The following TTLL13 variants were observed in gnomAD, a reference collection of about 807,000 sequenced individuals.
The protein encoded by TTLL13 is tubulin polyglutamylase TTLL13.
chr15:90,262,778 G>A, the TTLL13 span: 1 of 1,242,280 alleles, frequency 8.0e-7, no homozygotes, highest in African/African-American at 1.5e-5. Context: ...AAGAGAGAGA[G>A]GAGTTCCTAA....
chr15:90,263,274 C>A, the TTLL13 span: 2 of 832,760 alleles, frequency 2.4e-6, no homozygotes, highest in Non-Finnish European at 3.6e-6. Context: ...AAGCAGAGTG[C>A]GCTAGCTGGA....
chr15:90,264,812 C>T, the TTLL13 span: 1 of 1,536,132 alleles, frequency 6.5e-7, no homozygotes, highest in South Asian at 1.2e-5. Context: ...CTATTTTCTG[C>T]AACCGGAAAG....
chr15:90,256,593 C>CTTTCTTTCTT, the TTLL13 span, among the ~76,000 whole-genome samples: 112 of 39,054 alleles, frequency 2.9e-3, 3 homozygotes, highest in Admixed American at 4.8e-3. Context: ...TTCTTTCTTT[C>CTTTCTTTCTT]TTTCTTTCTT....
At chr15:90,254,492 A>T in the TTLL13 span, among the ~76,000 whole-genome samples, 35 of 73,430 alleles carry the variant, frequency 4.8e-4, no homozygotes, top group African/African-American at 1.9e-3. Context: ...GACTCCATCT[A>T]AAAAAAAAAA....
the TTLL13 span, among the ~76,000 whole-genome samples, chr15:90,260,787 G>A: frequency 6.7e-6 from 1 of 149,946 alleles, no homozygotes; most frequent in Non-Finnish European, 1.5e-5. Context: ...GGAGGCGGAG[G>A]TTGCAGTGAG....
chr15:90,260,104 G>A, the TTLL13 span, among the ~76,000 whole-genome samples: 2 of 152,172 alleles, frequency 1.3e-5, no homozygotes, highest in African/African-American at 4.8e-5. Context: ...TGTACCTGAG[G>A]GTCATGAAAT....
At chr15:90,253,348 T>C in the TTLL13 span, 9 of 1,613,090 alleles carry the variant, frequency 5.6e-6, no homozygotes, top group South Asian at 8.8e-5. Flanking sequence ...GAACGAGTCA[T>C]GGACATGAAG....
At chr15:90,260,856 A>C in the TTLL13 span, among the ~76,000 whole-genome samples, 1 of 151,254 alleles carries the variant, frequency 6.6e-6, no homozygotes, top group Non-Finnish European at 1.5e-5. Flanking sequence ...GTCTCAAAAA[A>C]AAAAAAAAAA....
At chr15:90,258,084 C>G in the TTLL13 span, 139 of 1,614,070 alleles carry the variant, frequency 8.6e-5, 2 homozygotes, top group South Asian at 1.5e-3. Flanking sequence ...CAGCTACAAC[C>G]CTGGAGAGCT....
At chr15:90,259,257 T>C in the TTLL13 span, among the ~76,000 whole-genome samples, 1 of 151,890 alleles carries the variant, frequency 6.6e-6, no homozygotes, top group African/African-American at 2.4e-5. Context: ...CTGGGCATGG[T>C]GACATGCCTG....
the TTLL13 span, chr15:90,255,645 T>C: frequency 6.6e-7 from 1 of 1,509,212 alleles, no homozygotes; most frequent in Non-Finnish European, 9.1e-7. Context: ...TTACCTCCAC[T>C]GTGACTTCTC....
the TTLL13 span, among the ~76,000 whole-genome samples, chr15:90,254,308 C>T: frequency 6.6e-6 from 1 of 151,466 alleles, no homozygotes; most frequent in African/African-American, 2.4e-5. Context: ...GCCTGACCAA[C>T]AGGGTAAAAC....
the TTLL13 span, chr15:90,258,958 C>A: frequency 6.2e-7 from 1 of 1,613,866 alleles, no homozygotes; most frequent in South Asian, 1.1e-5. Context: ...GTGTTTAGTT[C>A]TTCATTATTC....
the TTLL13 span, chr15:90,263,247 G>A: frequency 1.8e-6 from 2 of 1,103,228 alleles, no homozygotes; most frequent in Admixed American, 2.9e-5. Context: ...GATGGTATCT[G>A]TCAGTGGAGC....
the TTLL13 span, chr15:90,265,445 A>G: frequency 7.7e-7 from 1 of 1,303,872 alleles, no homozygotes; most frequent in South Asian, 1.8e-5. Context: ...TGGAAACGGA[A>G]TCCGTACTTT....
the TTLL13 span, chr15:90,249,829 C>T: frequency 6.6e-6 from 1 of 152,390 alleles, no homozygotes; most frequent in Non-Finnish European, 1.5e-5. Flanking sequence ...TCCACCGTCA[C>T]AGCCCAAAGG....
chr15:90,260,963 C>G, the TTLL13 span, among the ~76,000 whole-genome samples: 1 of 152,044 alleles, frequency 6.6e-6, no homozygotes, highest in Non-Finnish European at 1.5e-5. Flanking sequence ...GAGGTCCTGC[C>G]TCAGATTCAT....
the TTLL13 span, chr15:90,258,456 GT>G: frequency 1.1e-5 from 7 of 646,610 alleles, no homozygotes; most frequent in Non-Finnish European, 1.9e-5. Context: ...AATCTTGGTG[GT>G]TTTTGGCCTC....
At chr15:90,264,895 T>TC in the TTLL13 span, 1 of 1,536,058 alleles carries the variant, frequency 6.5e-7, no homozygotes, top group African/African-American at 1.4e-5. Context: ...CAGCCAAGGT[T>TC]CCCCTCTGCC....
Sources: gnomAD v4.1 joint callset for allele counts (sites outside exome capture counted in the v4.1 genomes callset) on GRCh38, gnomAD v4.1.1 for gene constraint, MANE v1.5 for transcripts, NCBI Gene and HGNC (gene_info 2026-07-23, HGNC 2026-07-21) for gene names.